The following TMEM72 variants were observed in gnomAD, a reference collection of about 807,000 sequenced individuals.
TMEM72 encodes transmembrane protein 72.
A neutral mutation model predicts 16.3 loss-of-function variants in TMEM72; 9 were observed. The ratio of observed to expected loss-of-function variants is 0.55; its 90% CI spans 0.33 to 0.96. The LOEUF (loss-of-function observed/expected upper bound fraction) is 0.96, where lower values mean the gene tolerates loss of function less well. TMEM72 is among the 40% of genes least tolerant of loss of function. The probability of loss-of-function intolerance (pLI) is 0.03; values close to 1 mark genes in which losing one functional copy is unlikely to be tolerated. For missense variants in TMEM72, 324 were observed against 337.8 expected (o/e 0.96, Z 0.32); for synonymous variants, 160 against 146.5 (o/e 1.09, Z -0.66).
intron 2 of TMEM72, among the ~76,000 whole-genome samples, chr10:44,931,126 CCAGA>C (rs1390990824): frequency 2.0e-5 from 3 of 152,170 alleles, no homozygotes; most frequent in African/African-American, 7.2e-5. Context: ...GAGGAGGTCA[CCAGA>C]CAGACTGGAG....
chr10:44,922,639 C>T (rs1225066596), intron 1 of TMEM72, among the ~76,000 whole-genome samples: 1 of 152,218 alleles, frequency 6.6e-6, no homozygotes, highest in Non-Finnish European at 1.5e-5. Context: ...ACTTTTTCTA[C>T]TGGGAATGTT....
At chr10:44,929,279 T>C (rs1840253340) in intron 2 of TMEM72, among the ~76,000 whole-genome samples, 1 of 152,216 alleles carries the variant, frequency 6.6e-6, no homozygotes, top group Admixed American at 6.5e-5. Context: ...CCCCAGCATC[T>C]CTGCAGCCCC....
At chr10:44,917,859 C>T (rs1407179948) in intron 1 of TMEM72, among the ~76,000 whole-genome samples, 4 of 152,162 alleles carry the variant, frequency 2.6e-5, no homozygotes, top group African/African-American at 4.8e-5. Flanking sequence ...GTGAATACCT[C>T]GGTTCTCCCT....
intron 1 of TMEM72, among the ~76,000 whole-genome samples, chr10:44,914,421 G>A (rs1295553622): frequency 6.6e-6 from 1 of 152,248 alleles, no homozygotes; most frequent in Non-Finnish European, 1.5e-5. Context: ...AGGATGTGGG[G>A]TTGGGGGGCA....
chr10:44,920,959 T>A (rs536938677), intron 1 of TMEM72, among the ~76,000 whole-genome samples: 1 of 152,294 alleles, frequency 6.6e-6, no homozygotes, highest in African/African-American at 2.4e-5. Context: ...AGAAGGATAC[T>A]CACACAGTGG....
intron 1 of TMEM72, among the ~76,000 whole-genome samples, chr10:44,921,425 G>T (rs1349774795): frequency 6.6e-6 from 1 of 152,196 alleles, no homozygotes; most frequent in African/African-American, 2.4e-5. Flanking sequence ...GGGCAGGAAA[G>T]ACAGCACAGC....
Position 44,911,524 on chromosome 10 carries a change from G to A in TMEM72, c.12G>A (p.Gln4=). Residue 4 remains glutamine, a synonymous_variant, in exon 1 of 5, where the codon CAG becomes CAA. Coordinates refer to ENST00000389583, the MANE Select transcript of TMEM72 (RefSeq NM_001123376.3). The part of the protein sequence containing the change: MQL[Q]VFWTGLEYTC... ...TCACCCCTGGCACCATGCAGCTCCA[G>A]GTGTTCTGGACTGGGCTGGAATACA... 1 of 1,551,174 alleles carries A rather than the reference G, an allele frequency of 6.4e-7. No homozygotes were observed. Among genetic ancestry groups the A allele is most frequent in the Non-Finnish European group, 8.7e-7 (1 of 1,147,158 alleles).
intron 1 of TMEM72, among the ~76,000 whole-genome samples, chr10:44,913,113 C>A (rs1839960716): frequency 6.6e-6 from 1 of 152,114 alleles, no homozygotes; most frequent in South Asian, 2.1e-4. Context: ...ACTTTCAGAA[C>A]CACGTTGTCG....
intron 1 of TMEM72, among the ~76,000 whole-genome samples, chr10:44,924,392 G>A (rs895782191): frequency 1.3e-5 from 2 of 152,170 alleles, no homozygotes; most frequent in African/African-American, 4.8e-5. Context: ...TACTGCCCTC[G>A]CTGAATGCAC....
At position 44,935,831 on chromosome 10, in the gene TMEM72, A is replaced by C. The variant is rs180910850; in HGVS notation, c.*697A>C. On this transcript the variant is annotated 3_prime_UTR_variant, in exon 5 of 5. Transcript: ENST00000389583. Reference sequence around the variant, plus strand: ...GCTGGGGACTTCCAGCCTCCTTACCACATGGCCTTTCCAAGATTCCAGGTT... The same window carrying C: ...GCTGGGGACTTCCAGCCTCCTTACCCCATGGCCTTTCCAAGATTCCAGGTT... 1 of 152,342 alleles carries C rather than the reference A, an allele frequency of 6.6e-6. No homozygotes were observed. Among genetic ancestry groups the C allele is most frequent in the African/African-American group, 2.4e-5 (1 of 41,562 alleles). 9.4% of individuals were successfully genotyped at this position (152,342 alleles called of 1,614,324 possible). A position where few individuals can be genotyped will look rare whatever the true frequency, so the allele number is the denominator to read the frequency against.
chr10:44,915,899 CA>C (rs1840006658), intron 1 of TMEM72, among the ~76,000 whole-genome samples: 1 of 152,056 alleles, frequency 6.6e-6, no homozygotes, highest in Admixed American at 6.5e-5. Context: ...CACACATTTC[CA>C]GGGGGAACTA....
At chr10:44,912,287 C>A (rs927961055) in intron 1 of TMEM72, among the ~76,000 whole-genome samples, 70 of 152,316 alleles carry the variant, frequency 4.6e-4, no homozygotes, top group African/African-American at 1.6e-3. Flanking sequence ...GAGCAGAGCC[C>A]AGAGCCACCA....
intron 1 of TMEM72, among the ~76,000 whole-genome samples, chr10:44,920,792 TC>T (rs1320012342): frequency 6.6e-6 from 1 of 152,194 alleles, no homozygotes; most frequent in African/African-American, 2.4e-5. Context: ...GTTTTTATTT[TC>T]CCCATTTTCC....
In TMEM72 at chr10:44,934,769, A is replaced by C; in HGVS notation, c.463A>C (p.Ser155Arg). Residue 155 changes from serine (S) to arginine (R), a missense_variant, in exon 5 of 5, where the codon AGC becomes CGC. Transcript: ENST00000389583. The stretch of plus-strand genomic sequence containing the variant: ...AGAGCAGTACACAGACCCCTCTAGC[A>C]GCGCTGTGAGCACCACCGGCTCTGG... ...SPEQYTDPSS[S>R]AVSTTGSGDT... The C allele has an allele frequency of 6.2e-7, 1 of 1,613,570 alleles. No homozygotes were observed. Among genetic ancestry groups the C allele is most frequent in the East Asian group, 2.2e-5 (1 of 44,856 alleles).
At chr10:44,932,208 T>C (rs7078924) in intron 3 of TMEM72, 139 bp downstream of exon 3, 343,150 of 1,039,554 alleles carry the variant, frequency 0.33, 60,291 homozygotes, top group African/African-American at 0.47. Context: ...CGAGGTACAA[T>C]CAGCCTGGCC....
At chr10:44,915,277 GATT>G (rs1839997491) in intron 1 of TMEM72, among the ~76,000 whole-genome samples, 1 of 152,182 alleles carries the variant, frequency 6.6e-6, no homozygotes, top group African/African-American at 2.4e-5. Context: ...GAATGAACAT[GATT>G]ATTTGAGTAT....
intron 3 of TMEM72, 29 bp downstream of exon 3, chr10:44,932,098 T>G: frequency 6.2e-7 from 1 of 1,606,800 alleles, no homozygotes; most frequent in East Asian, 2.2e-5. Context: ...GACCCCTCCA[T>G]TGTCCACCCC....
intron 2 of TMEM72, among the ~76,000 whole-genome samples, chr10:44,930,700 C>A (rs1271701341): frequency 6.6e-6 from 1 of 152,112 alleles, no homozygotes; most frequent in Non-Finnish European, 1.5e-5. Context: ...ACTAAATGAT[C>A]TAACTAATCA....
intron 1 of TMEM72, among the ~76,000 whole-genome samples, chr10:44,925,493 C>T (rs192844484): frequency 1.2e-4 from 18 of 152,332 alleles, no homozygotes; most frequent in South Asian, 1.0e-3. Flanking sequence ...CCTTCCCAGG[C>T]CCAGGGCAGG....
Sources: gnomAD v4.1 joint callset for allele counts (sites outside exome capture counted in the v4.1 genomes callset) on GRCh38, gnomAD v4.1.1 for gene constraint, MANE v1.5 for transcripts, NCBI Gene and HGNC (gene_info 2026-07-23, HGNC 2026-07-21) for gene names.